Variants in RICTOR observed in about 807,000 individuals in gnomAD.
RICTOR encodes the protein rapamycin-insensitive companion of mTOR.
In RICTOR, 49 loss-of-function variants were observed where a neutral mutation model predicts 214.9. The observed-to-expected ratio is 0.23, with a 90% CI of 0.18 to 0.29. The LOEUF (loss-of-function observed/expected upper bound fraction) is 0.29, where lower values mean the gene tolerates loss of function less well. RICTOR is among the 10% of genes least tolerant of loss of function. The pLI, the probability that RICTOR is intolerant of heterozygous loss-of-function variation, is 1.00. For synonymous variants in RICTOR, 717 were observed against 711.3 expected, an observed-to-expected ratio of 1.01 and a Z score of -0.13; for missense variants, 1,625 against 2,047.0, an observed-to-expected ratio of 0.79 and a Z score of 3.98.
At chr5:39,049,832 A>G (rs1373934048) in intron 2 of RICTOR, among the ~76,000 whole-genome samples, 2 of 152,198 alleles carry the variant, frequency 1.3e-5, no homozygotes, top group Admixed American at 6.5e-5. Flanking sequence ...GATACTATAC[A>G]GAACTTGGCT....
intron 2 of RICTOR, among the ~76,000 whole-genome samples, chr5:39,063,423 C>T (rs1027913352): frequency 4.6e-5 from 7 of 152,050 alleles, no homozygotes; most frequent in African/African-American, 1.4e-4. Flanking sequence ...ACCAGGAAAA[C>T]GTTCATTCAA....
chr5:38,957,129 A>T (rs189173931), intron 25 of RICTOR, among the ~76,000 whole-genome samples: 2 of 152,134 alleles, frequency 1.3e-5, no homozygotes, highest in Non-Finnish European at 2.9e-5. Flanking sequence ...AAAGCTAGAA[A>T]AGTTGTTTCA....
intron 2 of RICTOR, among the ~76,000 whole-genome samples, chr5:39,065,234 C>A (rs1327424837): frequency 6.6e-6 from 1 of 152,180 alleles, no homozygotes; most frequent in South Asian, 2.1e-4. Context: ...AGGCATCTCA[C>A]ATGGCAGAGC....
intron 27 of RICTOR, among the ~76,000 whole-genome samples, chr5:38,954,527 A>T (rs112379751): frequency 0.019 from 2,909 of 152,046 alleles, 35 homozygotes; most frequent in Middle Eastern, 0.031. Flanking sequence ...CTTACTCTAC[A>T]TAACAAGTTA....
intron 6 of RICTOR, among the ~76,000 whole-genome samples, chr5:38,992,954 C>G (rs918212738): frequency 2.0e-5 from 3 of 152,096 alleles, no homozygotes; most frequent in African/African-American, 7.2e-5. Context: ...AGGGGAATAT[C>G]TAATATTTGA....
Position 38,947,331 on chromosome 5 carries a change from G to A in RICTOR, c.4247C>T (p.Ala1416Val), listed in dbSNP as rs371275210. The A allele has an allele frequency of 2.5e-6, 4 of 1,612,662 alleles. No homozygotes were observed. Among genetic ancestry groups the A allele is most frequent in the Non-Finnish European group, 3.4e-6 (4 of 1,178,862 alleles). Residue 1416 changes from alanine to valine, a missense_variant, in exon 32 of 38, where the codon GCC becomes GTC. Transcript: ENST00000357387. ...GTAATCATCTGAACCCCCATATGTG[G>A]CACTGGACACCATGGACCGCACTGA... ...SSSVRSMVSS[A>V]TYGGSDDYIG...
intron 3 of RICTOR, among the ~76,000 whole-genome samples, chr5:39,009,595 A>T (rs1754335331): frequency 6.6e-6 from 1 of 152,142 alleles, no homozygotes; most frequent in Non-Finnish European, 1.5e-5. Flanking sequence ...GAATTCAATA[A>T]TGGTTAAATT....
rs200663534 is a variant in RICTOR, at chr5:39,008,722, T to TA, written c.196-5101dup. ...GAACTGCTAACTAAAAATATACCATTAAAAAAAAACTGCCCATTTCAAAGA... is the reference window on the plus strand; with the variant it reads ...GAACTGCTAACTAAAAATATACCATTAAAAAAAAAACTGCCCATTTCAAAGA... On this transcript the variant is annotated intron_variant, in intron 3 of 37. Coordinates refer to ENST00000357387, the MANE Select transcript of RICTOR (RefSeq NM_152756.5). Among the ~76,000 whole-genome samples, 962 of 150,168 alleles carry TA rather than the reference T, an allele frequency of 6.4e-3. 5 individuals are homozygous for TA. Among genetic ancestry groups the TA allele is most frequent in the Non-Finnish European group, 0.011 (725 of 67,348 alleles).
intron 2 of RICTOR, among the ~76,000 whole-genome samples, chr5:39,039,872 C>G (rs1045066474): frequency 6.6e-6 from 1 of 152,042 alleles, no homozygotes; most frequent in Admixed American, 6.5e-5. Context: ...GTTGGTGGGA[C>G]TGTAAACTAG....
intron 2 of RICTOR, among the ~76,000 whole-genome samples, chr5:39,073,744 CT>C (rs1759500409): frequency 6.6e-6 from 1 of 152,164 alleles, no homozygotes; most frequent in Non-Finnish European, 1.5e-5. Context: ...AAATAACAGC[CT>C]CTACCTCCCT....
chr5:39,065,419 G>A (rs763603986), intron 2 of RICTOR, among the ~76,000 whole-genome samples: 59 of 152,164 alleles, frequency 3.9e-4, no homozygotes, highest in South Asian at 6.2e-4. Flanking sequence ...CATGAGATTC[G>A]GGTGGGGACA....
chr5:39,030,251 TCAAA>T (rs944640371), intron 2 of RICTOR, among the ~76,000 whole-genome samples: 2 of 152,122 alleles, frequency 1.3e-5, no homozygotes, highest in African/African-American at 4.8e-5. Flanking sequence ...TAATGAAACC[TCAAA>T]CAAATCCTTA....
intron 7 of RICTOR, among the ~76,000 whole-genome samples, 184 bp downstream of exon 7, chr5:38,990,765 G>GATATATCAT (rs1448587973): frequency 3.2e-4 from 6 of 18,470 alleles, no homozygotes; most frequent in South Asian, 1.7e-3. Context: ...ATATATATGA[G>GATATATCAT]ATATATGATA....
intron 11 of RICTOR, 70 bp downstream of exon 11, chr5:38,971,806 AT>A (rs1228723371): frequency 3.3e-5 from 23 of 704,034 alleles, no homozygotes; most frequent in African/African-American, 1.1e-4. Flanking sequence ...ACCTGAAATA[AT>A]TTTTTTTTTA....
chr5:38,965,023 A>G, intron 15 of RICTOR, 131 bp from the exon 16 acceptor site: 1 of 513,308 alleles, frequency 1.9e-6, no homozygotes, highest in Non-Finnish European at 3.5e-6. Context: ...AAATTAACTT[A>G]TTTTCCCCAA....
rs1554057737 is a variant in RICTOR, at chr5:38,940,130, T to TAAAAAAAAAAAAA, written c.*2173_*2174insTTTTTTTTTTTTT. Reference sequence around the variant, plus strand: ...ACATACATATTTTTCAAAGTAACAGTAAAAAAAAAAAACAAAAAAAAAAAC... The same window carrying TAAAAAAAAAAAAA: ...ACATACATATTTTTCAAAGTAACAGTAAAAAAAAAAAAAAAAAAAAAAAAACAAAAAAAAAAAC... On this transcript the variant is annotated 3_prime_UTR_variant, in exon 38 of 38. Transcript: ENST00000357387. The TAAAAAAAAAAAAA allele has an allele frequency of 1.5e-4, 12 of 80,422 alleles. No homozygotes were observed. The highest frequency in any genetic ancestry group is 7.1e-4 in the African/African-American group (8 of 11,298). The allele number at this position is 80,422 out of a possible 1,614,324, so 5.0% of individuals were successfully genotyped here.
intron 2 of RICTOR, among the ~76,000 whole-genome samples, chr5:39,037,667 C>A (rs10240775): frequency 6.6e-6 from 1 of 152,142 alleles, no homozygotes; most frequent in Non-Finnish European, 1.5e-5. Flanking sequence ...ATACAAACTA[C>A]GATCAGAGAA....
intron 7 of RICTOR, among the ~76,000 whole-genome samples, chr5:38,990,736 GATAT>G (rs1302499072): frequency 4.8e-5 from 1 of 20,680 alleles, no homozygotes; most frequent in African/African-American, 1.3e-4. Context: ...TCATATATAT[GATAT>G]ATATGAGATA....
chr5:38,947,368 G>T lies in RICTOR; in HGVS notation c.4210C>A (p.Gln1404Lys). 6.2e-7 allele frequency: 1 copy of T among 1,611,674 alleles called. No homozygotes were observed. Among genetic ancestry groups the T allele is most frequent in the South Asian group, 1.1e-5 (1 of 91,008 alleles). Residue 1404 changes from glutamine (Q) to lysine (K), a missense_variant, in exon 32 of 38, where the codon CAA becomes AAA. Gln to Lys is a moderately conservative substitution (Grantham distance 53). Around this residue, in one of 5 missense-constraint regions of RICTOR, gnomAD observed 1,214 missense variants for 1,470.5 expected, o/e 0.83. Transcript: ENST00000357387. The part of the protein sequence containing the change: ...LLSPINQNTL[Q>K]RSSSVRSMVS... Reference sequence around the variant, plus strand: ...ATGGACCGCACTGAGGAAGATCGTTGCAGGGTATTTTGATTAATAGGACTC... The same window carrying T: ...ATGGACCGCACTGAGGAAGATCGTTTCAGGGTATTTTGATTAATAGGACTC...
Sources: gnomAD v4.1 joint callset for allele counts (sites outside exome capture counted in the v4.1 genomes callset) on GRCh38, gnomAD v4.1.1 for gene constraint, gnomAD v4.1.1 regional missense constraint, MANE v1.5 for transcripts, NCBI Gene and HGNC (gene_info 2026-07-23, HGNC 2026-07-21) for gene names.